Variants in ABCA13 observed in about 807,000 individuals in gnomAD.
ABCA13 encodes the protein ATP binding cassette subfamily A member 13, also known as ATP-binding cassette sub-family A member 13.
In ABCA13, 476 loss-of-function variants were observed where a neutral mutation model predicts 478.7. The ratio of observed to expected loss-of-function variants is 0.99; its 90% CI spans 0.92 to 1.07. The LOEUF is 1.07. Among genes scored for constraint, ABCA13 ranks in the 50% least tolerant of loss-of-function variants. ABCA13 has a pLI of 0.00. For synonymous variants in ABCA13, 2,252 were observed against 2,158.9 expected, an observed-to-expected ratio of 1.04 and a Z score of -1.20; for missense variants, 6,060 against 5,910.6, an observed-to-expected ratio of 1.03 and a Z score of -0.83.
intron 39 of ABCA13, chr7:48,404,489 C>T (rs1818009345): frequency 6.2e-6 from 1 of 161,888 alleles, no homozygotes; most frequent in Non-Finnish European, 1.4e-5. Context: ...AACAGTAAAA[C>T]ACATCTTGGT....
chr7:48,621,811 T>A (rs139921364), intron 59 of ABCA13, among the ~76,000 whole-genome samples: 2 of 152,318 alleles, frequency 1.3e-5, no homozygotes, highest in East Asian at 3.9e-4. Context: ...AACAATGGAT[T>A]TCTATTAGTG....
chr7:48,403,578 G>T (rs1172158260), intron 38 of ABCA13, 105 bp from the exon 39 acceptor site: 1 of 1,157,240 alleles, frequency 8.6e-7, no homozygotes, highest in African/African-American at 1.5e-5. Flanking sequence ...TATATTTGTG[G>T]TTTATAACGA....
chr7:48,461,912 T>C (rs1826283391), intron 43 of ABCA13, among the ~76,000 whole-genome samples: 1 of 152,130 alleles, frequency 6.6e-6, no homozygotes, highest in Non-Finnish European at 1.5e-5. Flanking sequence ...CCATAAGTTC[T>C]ACCCTGAGAA....
chr7:48,204,095 T>C (rs995503882), intron 3 of ABCA13, among the ~76,000 whole-genome samples: 7 of 151,186 alleles, frequency 4.6e-5, no homozygotes, highest in African/African-American at 1.7e-4. Context: ...AGTTTGCTTT[T>C]CACTCTCTTG....
At chr7:48,294,510 A>G (rs1799090395) in intron 20 of ABCA13, among the ~76,000 whole-genome samples, 1 of 147,124 alleles carries the variant, frequency 6.8e-6, no homozygotes, top group South Asian at 2.1e-4. Context: ...GCAGTGGCGC[A>G]ATCTCGGCTC....
chr7:48,513,610 A>G (rs945616280), intron 51 of ABCA13, among the ~76,000 whole-genome samples: 2 of 152,280 alleles, frequency 1.3e-5, no homozygotes, highest in South Asian at 4.1e-4. Flanking sequence ...CAAAAGGGGA[A>G]TTTTCTTCCG....
At chr7:48,393,508 C>T (rs909051160) in intron 38 of ABCA13, among the ~76,000 whole-genome samples, 2 of 152,178 alleles carry the variant, frequency 1.3e-5, no homozygotes, top group Non-Finnish European at 2.9e-5. Context: ...TGAATTCTTA[C>T]AGAATATTGT....
At chr7:48,598,791 T>C (rs1790567551) in intron 58 of ABCA13, among the ~76,000 whole-genome samples, 1 of 152,020 alleles carries the variant, frequency 6.6e-6, no homozygotes, top group Non-Finnish European at 1.5e-5. Flanking sequence ...TCTTCTATCT[T>C]TTTTTTCTAA....
At chr7:48,451,766 T>G (rs1825067772) in intron 42 of ABCA13, among the ~76,000 whole-genome samples, 1 of 152,202 alleles carries the variant, frequency 6.6e-6, no homozygotes, top group African/African-American at 2.4e-5. Context: ...GACTTTGATA[T>G]TTAAGCTATT....
At chr7:48,622,007 C>T (rs893630114) in intron 59 of ABCA13, among the ~76,000 whole-genome samples, 2 of 152,166 alleles carry the variant, frequency 1.3e-5, no homozygotes, top group African/African-American at 2.4e-5. Context: ...GACCCAACCT[C>T]ATAGGGAAAA....
At chr7:48,438,537 G>C (rs777499383) in intron 42 of ABCA13, among the ~76,000 whole-genome samples, 1 of 149,568 alleles carries the variant, frequency 6.7e-6, no homozygotes, top group South Asian at 2.1e-4. Context: ...GCTTTTTGAC[G>C]TTTGAGCAGA....
At chr7:48,281,743 G>A (rs1322299553) in intron 19 of ABCA13, among the ~76,000 whole-genome samples, 4 of 152,112 alleles carry the variant, frequency 2.6e-5, no homozygotes, top group Non-Finnish European at 4.4e-5. Context: ...AACTACAGCC[G>A]TACTCTGTGG....
At chr7:48,395,638 G>T (rs74935491) in intron 38 of ABCA13, among the ~76,000 whole-genome samples, 1 of 152,054 alleles carries the variant, frequency 6.6e-6, no homozygotes, top group African/African-American at 2.4e-5. Context: ...CCTACTCAAC[G>T]TGAAGATGAC....
At chr7:48,292,847 A>T (rs1798728380) in intron 20 of ABCA13, among the ~76,000 whole-genome samples, 1 of 152,090 alleles carries the variant, frequency 6.6e-6, no homozygotes, top group Admixed American at 6.5e-5. Context: ...AACCTCATGG[A>T]GGTAGGAGTT....
At chr7:48,310,188 T>C (rs1801560283) in intron 24 of ABCA13, 47 bp downstream of exon 24, 16 of 1,555,766 alleles carry the variant, frequency 1.0e-5, no homozygotes, top group Non-Finnish European at 1.4e-5. Flanking sequence ...AGGACTCTGC[T>C]GTGGTGGCTG....
chr7:48,539,740 T>TAA (rs1177617525), intron 55 of ABCA13, among the ~76,000 whole-genome samples: 7 of 152,318 alleles, frequency 4.6e-5, no homozygotes, highest in African/African-American at 1.4e-4. Flanking sequence ...CTAGAAATAA[T>TAA]AACTCAAATG....
intron 32 of ABCA13, among the ~76,000 whole-genome samples, chr7:48,369,859 T>G (rs1390885805): frequency 4.6e-5 from 7 of 152,160 alleles, no homozygotes. Flanking sequence ...TGCTTAGTCT[T>G]GCTTTGACTG....
intron 55 of ABCA13, among the ~76,000 whole-genome samples, chr7:48,539,562 C>T (rs1020461406): frequency 6.6e-6 from 1 of 152,138 alleles, no homozygotes; most frequent in African/African-American, 2.4e-5. Context: ...CAGAAAGTGA[C>T]AGATTAGGTT....
intron 1 of ABCA13, among the ~76,000 whole-genome samples, chr7:48,184,734 T>G (rs1024833002): frequency 2.6e-5 from 4 of 152,168 alleles, no homozygotes; most frequent in Non-Finnish European, 4.4e-5. Context: ...GCAGAAGAAT[T>G]GCTTGAATCT....
Sources: gnomAD v4.1 joint callset for allele counts (sites outside exome capture counted in the v4.1 genomes callset) on GRCh38, gnomAD v4.1.1 for gene constraint, MANE v1.5 for transcripts, NCBI Gene and HGNC (gene_info 2026-07-23, HGNC 2026-07-21) for gene names.